The following EXT1 variants were observed in gnomAD, a reference collection of about 807,000 sequenced individuals.
The protein encoded by EXT1 is exostosin glycosyltransferase 1, also known as exostosin-1.
In EXT1, 20 loss-of-function variants were observed where a neutral mutation model predicts 82.5. The ratio of observed to expected loss-of-function variants is 0.24; its 90% CI spans 0.17 to 0.35. The LOEUF (loss-of-function observed/expected upper bound fraction) is 0.35, where lower values mean the gene tolerates loss of function less well. Ranked by LOEUF, EXT1 falls within the 10% of genes least tolerant of loss-of-function variation. The pLI is 1.00. For missense variants in EXT1, 757 were observed against 936.5 expected (o/e 0.81, Z 2.50); for synonymous variants, 348 against 350.8 (o/e 0.99, Z 0.09).
At chr8:117,873,865 A>G (rs552673556) in intron 1 of EXT1, among the ~76,000 whole-genome samples, 1 of 152,284 alleles carries the variant, frequency 6.6e-6, no homozygotes, top group South Asian at 2.1e-4. Flanking sequence ...CTCAAAATAG[A>G]TTTATTTGGT....
chr8:118,083,003 C>G (rs1028754027), intron 1 of EXT1, among the ~76,000 whole-genome samples: 1 of 152,182 alleles, frequency 6.6e-6, no homozygotes, highest in South Asian at 2.1e-4. Flanking sequence ...CCAGGATACG[C>G]CCTGGAGTAT....
chr8:117,817,621 G>A lies in EXT1; in HGVS notation c.1632+814C>T, dbSNP rs189377064. Among the ~76,000 whole-genome samples the A allele has an allele frequency of 2.4e-4, 36 of 152,268 alleles. No individual in the cohort carries two copies. The East Asian group carries it at 5.8e-3, about 25-fold the overall frequency. On this transcript the variant is annotated intron_variant, in intron 7 of 10. Transcript: ENST00000378204. ...AAAGAATATATGGGAATGTTGACAA[G>A]CAGAGATGATGAGTTGAGGGGTGGT...
intron 1 of EXT1, among the ~76,000 whole-genome samples, chr8:117,991,263 A>G (rs540273728): frequency 3.6e-4 from 55 of 152,160 alleles, no homozygotes; most frequent in African/African-American, 1.2e-3. Flanking sequence ...GGTGCATGCC[A>G]CCACGCCCAG....
intron 1 of EXT1, among the ~76,000 whole-genome samples, chr8:118,017,730 C>T (rs1816027847): frequency 6.6e-6 from 1 of 152,186 alleles, no homozygotes; most frequent in South Asian, 2.1e-4. Context: ...TTTAAAGCAA[C>T]ATAATTCGAG....
At chr8:117,803,948 T>C (rs1003560133) in intron 10 of EXT1, among the ~76,000 whole-genome samples, 5 of 152,204 alleles carry the variant, frequency 3.3e-5, no homozygotes, top group African/African-American at 9.6e-5. Context: ...AATTAAATAT[T>C]GTGATTCCTG....
intron 1 of EXT1, among the ~76,000 whole-genome samples, chr8:117,886,040 C>T (rs1813142355): frequency 6.6e-6 from 1 of 152,094 alleles, no homozygotes; most frequent in Admixed American, 6.5e-5. Flanking sequence ...TGTGACCTCT[C>T]CCTGAATCTC....
At chr8:117,971,809 AT>A (rs1814945928) in intron 1 of EXT1, among the ~76,000 whole-genome samples, 1 of 152,144 alleles carries the variant, frequency 6.6e-6, no homozygotes, top group Non-Finnish European at 1.5e-5. Flanking sequence ...CCAAAAGGAA[AT>A]TTTTTAGTTA....
At chr8:117,864,837 G>C (rs1217560077) in intron 1 of EXT1, among the ~76,000 whole-genome samples, 1 of 151,464 alleles carries the variant, frequency 6.6e-6, no homozygotes, top group African/African-American at 2.4e-5. Context: ...ATTCAAAGTT[G>C]TTCTGGTCTG....
rs1474447298 is a variant in EXT1 at position 117,835,430 on chromosome 8, A to G, written c.1164+14T>C. ...AATCTGCTGATGTGTTGAAGGCCACAGCCCCTTCCTTACCTGTAATAACAA... is the reference window on the plus strand; with the variant it reads ...AATCTGCTGATGTGTTGAAGGCCACGGCCCCTTCCTTACCTGTAATAACAA... On this transcript the variant is annotated intron_variant, in intron 3 of 10. Transcript: ENST00000378204. 1 of 1,594,118 alleles carries G rather than the reference A, an allele frequency of 6.3e-7. No homozygotes were observed. Among genetic ancestry groups the G allele is most frequent in the East Asian group, 2.2e-5 (1 of 44,778 alleles).
At chr8:118,040,941 C>T (rs937765328) in intron 1 of EXT1, among the ~76,000 whole-genome samples, 1 of 152,190 alleles carries the variant, frequency 6.6e-6, no homozygotes, top group African/African-American at 2.4e-5. Context: ...CTCTCTAATC[C>T]GTCAGCTTCA....
chr8:117,859,738 T>C (rs962033621), intron 1 of EXT1, among the ~76,000 whole-genome samples: 2 of 152,240 alleles, frequency 1.3e-5, no homozygotes, highest in Admixed American at 6.5e-5. Flanking sequence ...TGCATATGCA[T>C]AGTATTTAAC....
intron 1 of EXT1, among the ~76,000 whole-genome samples, chr8:117,935,175 G>A (rs1314838313): frequency 6.6e-6 from 1 of 152,054 alleles, no homozygotes; most frequent in Non-Finnish European, 1.5e-5. Context: ...ACCCATCCTG[G>A]GCTCTCAAGA....
chr8:117,871,136 C>T (rs559852572), intron 1 of EXT1, among the ~76,000 whole-genome samples: 3 of 152,292 alleles, frequency 2.0e-5, no homozygotes, highest in East Asian at 3.9e-4. Flanking sequence ...AAAGCCTTCC[C>T]TAATCTGCCC....
At chr8:117,964,649 GTTTGTTTT>G (rs1814770603) in intron 1 of EXT1, among the ~76,000 whole-genome samples, 1 of 151,138 alleles carries the variant, frequency 6.6e-6, no homozygotes, top group African/African-American at 2.4e-5. Flanking sequence ...TTGTTTGTTT[GTTTGTTTT>G]TTGTTTTTTG....
chr8:117,871,348 C>A (rs1198450932), intron 1 of EXT1, among the ~76,000 whole-genome samples: 1 of 152,192 alleles, frequency 6.6e-6, no homozygotes. Context: ...CTGGCACCAA[C>A]AATAGGATCA....
At chr8:118,029,921 C>A (rs2129875775) in intron 1 of EXT1, among the ~76,000 whole-genome samples, 1 of 152,294 alleles carries the variant, frequency 6.6e-6, no homozygotes, top group Non-Finnish European at 1.5e-5. Flanking sequence ...CAAGTTCAAC[C>A]AAACTCTTGC....
chr8:117,807,493 A>C, intron 8 of EXT1, 116 bp from the exon 9 acceptor site: 1 of 1,131,574 alleles, frequency 8.8e-7, no homozygotes, highest in East Asian at 2.5e-5. Context: ...GCGAAACATT[A>C]ATTCTATGTA....
intron 1 of EXT1, among the ~76,000 whole-genome samples, chr8:117,882,054 C>T (rs1813070704): frequency 6.6e-6 from 1 of 152,122 alleles, no homozygotes; most frequent in Admixed American, 6.6e-5. Flanking sequence ...CCAGACAAAA[C>T]CAAGTGAGCT....
chr8:118,028,538 G>A (rs938317986), intron 1 of EXT1, among the ~76,000 whole-genome samples: 2 of 151,460 alleles, frequency 1.3e-5, no homozygotes, highest in African/African-American at 2.4e-5. Context: ...TGACACTAGT[G>A]TATATAAATT....
Sources: allele counts gnomAD v4.1 joint callset (sites outside exome capture counted in the v4.1 genomes callset), GRCh38; gene constraint gnomAD v4.1.1; transcripts MANE v1.5; gene names NCBI Gene and HGNC (gene_info 2026-07-23, HGNC 2026-07-21).